Variants in NELL1 observed in about 807,000 individuals in gnomAD.
NELL1 encodes protein kinase C-binding protein NELL1.
In NELL1, 76 loss-of-function variants were observed where a neutral mutation model predicts 107.4. The observed-to-expected ratio is 0.71, with a 90% CI of 0.59 to 0.86. NELL1 has a LOEUF of 0.86. Ranked by LOEUF, NELL1 falls within the 40% of genes least tolerant of loss-of-function variation. The pLI is 0.00. For missense variants in NELL1, 1,024 were observed against 1,005.5 expected (o/e 1.02, Z -0.25); for synonymous variants, 353 against 341.2 (o/e 1.03, Z -0.38).
intron 15 of NELL1, among the ~76,000 whole-genome samples, chr11:21,428,281 A>G (rs1172283711): frequency 6.6e-6 from 1 of 152,216 alleles, no homozygotes; most frequent in Non-Finnish European, 1.5e-5. Context: ...GTTCTTAAGC[A>G]GAATAAGCAG....
At chr11:21,511,307 T>C (rs1338439048) in intron 15 of NELL1, among the ~76,000 whole-genome samples, 1 of 152,206 alleles carries the variant, frequency 6.6e-6, no homozygotes, top group African/African-American at 2.4e-5. Context: ...ACTTTCTTAT[T>C]TGTACTTTTC....
intron 3 of NELL1, among the ~76,000 whole-genome samples, chr11:20,845,081 G>A (rs576237771): frequency 1.3e-5 from 2 of 152,268 alleles, no homozygotes; most frequent in African/African-American, 2.4e-5. Context: ...TATTGCTAAG[G>A]CTGCTTCAGC....
intron 2 of NELL1, among the ~76,000 whole-genome samples, chr11:20,680,098 C>T (rs918512443): frequency 2.0e-5 from 3 of 152,054 alleles, no homozygotes; most frequent in African/African-American, 7.2e-5. Context: ...TCGCTTATAT[C>T]CCCTGTGATT....
chr11:20,872,123 ACT>A (rs946080483), intron 4 of NELL1, among the ~76,000 whole-genome samples: 1 of 148,818 alleles, frequency 6.7e-6, no homozygotes, highest in African/African-American at 2.5e-5. Context: ...GCCAAGCCTG[ACT>A]CTGCTGCTCA....
intron 15 of NELL1, among the ~76,000 whole-genome samples, chr11:21,381,316 A>G (rs1363089152): frequency 1.3e-5 from 2 of 151,962 alleles, no homozygotes; most frequent in African/African-American, 4.8e-5. Context: ...GAAGAGCACA[A>G]TCTCTGAAGT....
At chr11:21,007,804 T>C (rs181180340) in intron 12 of NELL1, among the ~76,000 whole-genome samples, 6 of 152,212 alleles carry the variant, frequency 3.9e-5, no homozygotes, top group Admixed American at 1.3e-4. Context: ...AAAAAAGACA[T>C]TTTGAAGTTA....
chr11:20,873,276 A>G (rs1849239233), intron 4 of NELL1, among the ~76,000 whole-genome samples: 2 of 152,102 alleles, frequency 1.3e-5, no homozygotes, highest in African/African-American at 4.8e-5. Flanking sequence ...GAGTGATTTC[A>G]CAGGTTAATG....
chr11:20,983,337 C>T (rs80201605), intron 12 of NELL1, among the ~76,000 whole-genome samples: 6 of 152,114 alleles, frequency 3.9e-5, no homozygotes, highest in Admixed American at 3.9e-4. Flanking sequence ...TGCTAACTCC[C>T]CATCCCCCAT....
At chr11:20,674,411 C>A in intron 1 of NELL1, 1 of 1,134,570 alleles carries the variant, frequency 8.8e-7, no homozygotes, top group Non-Finnish European at 1.3e-6. Context: ...ATAGTTTCCC[C>A]GAGTCCTCAT....
At chr11:20,688,764 A>T (rs1034382785) in intron 2 of NELL1, among the ~76,000 whole-genome samples, 1 of 152,132 alleles carries the variant, frequency 6.6e-6, no homozygotes, top group African/African-American at 2.4e-5. Context: ...ATACCCAGTG[A>T]TGGGATTGTG....
At chr11:21,101,749 A>G (rs1854821946) in intron 12 of NELL1, among the ~76,000 whole-genome samples, 4 of 152,232 alleles carry the variant, frequency 2.6e-5, no homozygotes, top group African/African-American at 9.6e-5. Flanking sequence ...GCCCTTTGTC[A>G]GATGAGTAGA....
intron 12 of NELL1, among the ~76,000 whole-genome samples, chr11:20,976,024 A>G (rs1361859247): frequency 7.0e-6 from 1 of 142,230 alleles, no homozygotes; most frequent in Non-Finnish European, 1.5e-5. Flanking sequence ...ATCTGTACAT[A>G]TATGTATTAT....
chr11:21,483,266 G>A (rs1854537372), intron 15 of NELL1, among the ~76,000 whole-genome samples: 1 of 152,102 alleles, frequency 6.6e-6, no homozygotes, highest in Non-Finnish European at 1.5e-5. Flanking sequence ...CAACTACCTA[G>A]AGACCGAATC....
At chr11:21,532,418 G>T (rs1856013068) in intron 15 of NELL1, among the ~76,000 whole-genome samples, 1 of 152,090 alleles carries the variant, frequency 6.6e-6, no homozygotes, top group Middle Eastern at 3.2e-3. Flanking sequence ...TTGAATTTAG[G>T]GCTGAAGGAG....
intron 14 of NELL1, among the ~76,000 whole-genome samples, chr11:21,333,282 A>T (rs1450133822): frequency 6.6e-6 from 1 of 151,714 alleles, no homozygotes; most frequent in Non-Finnish European, 1.5e-5. Flanking sequence ...TGCAGTCAGA[A>T]AGACCTAGTT....
chr11:21,168,808 C>T (rs1856540934), intron 13 of NELL1, among the ~76,000 whole-genome samples: 1 of 151,814 alleles, frequency 6.6e-6, no homozygotes, highest in South Asian at 2.1e-4. Flanking sequence ...TTTTCAATGC[C>T]TCATCTTTCT....
At chr11:21,099,234 A>ACAAACAC (rs1854741265) in intron 12 of NELL1, among the ~76,000 whole-genome samples, 1 of 64,004 alleles carries the variant, frequency 1.6e-5, no homozygotes, top group Admixed American at 1.4e-4. Context: ...CACACACACA[A>ACAAACAC]ACACACACAC....
chr11:20,843,734 A>G (rs1848658779), intron 3 of NELL1, among the ~76,000 whole-genome samples: 1 of 151,084 alleles, frequency 6.6e-6, no homozygotes, highest in African/African-American at 2.4e-5. Flanking sequence ...GGAAAATGAT[A>G]AAAATTTTAA....
At chr11:20,951,161 TGTTA>T (rs1851061774) in intron 11 of NELL1, among the ~76,000 whole-genome samples, 5 of 152,364 alleles carry the variant, frequency 3.3e-5, no homozygotes, top group Admixed American at 3.3e-4. Flanking sequence ...GTCATTGTCA[TGTTA>T]ATGAATGAAT....
Sources: allele counts gnomAD v4.1 joint callset (sites outside exome capture counted in the v4.1 genomes callset), GRCh38; gene constraint gnomAD v4.1.1; transcripts MANE v1.5; gene names NCBI Gene and HGNC (gene_info 2026-07-23, HGNC 2026-07-21).